The following SLC30A8 variants were observed in gnomAD, a reference collection of about 807,000 sequenced individuals.
SLC30A8 encodes proton-coupled zinc antiporter SLC30A8.
A neutral mutation model predicts 36.9 loss-of-function variants in SLC30A8; 27 were observed. That is an observed-to-expected ratio of 0.73 (90% CI 0.54 to 1.01). The LOEUF is 1.01. SLC30A8 is among the 50% of genes least tolerant of loss of function. The pLI, the probability that SLC30A8 is intolerant of heterozygous loss-of-function variation, is 0.00. For synonymous variants in SLC30A8, 164 were observed against 172.4 expected (o/e 0.95, Z 0.38); for missense variants, 439 against 452.0 (o/e 0.97, Z 0.26).
chr8:117,003,239 T>C (rs563024140), intron 1 of SLC30A8, among the ~76,000 whole-genome samples: 2 of 152,242 alleles, frequency 1.3e-5, no homozygotes, highest in South Asian at 2.1e-4. Flanking sequence ...TCAGAGCCTA[T>C]ATGGTTAATC....
intron 3 of SLC30A8, among the ~76,000 whole-genome samples, chr8:117,155,227 G>T (rs1164176790): frequency 3.9e-5 from 6 of 152,140 alleles, no homozygotes; most frequent in Admixed American, 2.0e-4. Context: ...TTTGTCTTAA[G>T]ATCTGACTCC....
intron 2 of SLC30A8, among the ~76,000 whole-genome samples, chr8:117,077,736 A>G (rs1482579204): frequency 6.6e-6 from 1 of 152,196 alleles, no homozygotes; most frequent in East Asian, 1.9e-4. Flanking sequence ...AACAGCTTGG[A>G]AAAAAATCCT....
chr8:116,999,353 A>G (rs2130681577), intron 1 of SLC30A8, among the ~76,000 whole-genome samples: 1 of 152,302 alleles, frequency 6.6e-6, no homozygotes, highest in South Asian at 2.1e-4. Flanking sequence ...AAGGCATGTA[A>G]AGGCAACGAT....
chr8:116,972,810 A>T (rs1474814287), intron 1 of SLC30A8, among the ~76,000 whole-genome samples: 2 of 152,168 alleles, frequency 1.3e-5, no homozygotes, highest in African/African-American at 4.8e-5. Context: ...AGGGACCACG[A>T]ATTGTTCACA....
chr8:116,953,190 C>G (rs1814057084), intron 1 of SLC30A8, among the ~76,000 whole-genome samples: 1 of 152,196 alleles, frequency 6.6e-6, no homozygotes, highest in African/African-American at 2.4e-5. Flanking sequence ...CATGTTGCTG[C>G]AAGGACATGA....
chr8:117,045,651 A>T (rs1363286823), intron 2 of SLC30A8, among the ~76,000 whole-genome samples: 1 of 152,208 alleles, frequency 6.6e-6, no homozygotes, highest in East Asian at 1.9e-4. Context: ...TCCGTGACCT[A>T]GGTGGGCTGA....
At chr8:117,168,886 C>T (rs1051060282) in intron 6 of SLC30A8, among the ~76,000 whole-genome samples, 24 of 152,100 alleles carry the variant, frequency 1.6e-4, no homozygotes, top group Admixed American at 2.6e-4. Flanking sequence ...TAGCAATGTT[C>T]CTTAATCTAA....
In SLC30A8 at chr8:117,155,455, C is replaced by T. The variant is rs140598569; in HGVS notation, c.419-2236C>T. ...CTCATAAACTTCTGCAAAGGGGAGT[C>T]GTAAGTAGCCTGAGTAGACTAATAA... On this transcript the variant is annotated intron_variant, in intron 3 of 7. Coordinates refer to ENST00000456015, the MANE Select transcript of SLC30A8 (RefSeq NM_173851.3). Among the ~76,000 whole-genome samples, 283 of 152,154 alleles carry T rather than the reference C, an allele frequency of 1.9e-3. 2 individuals are homozygous for T. The highest frequency in any genetic ancestry group is 6.0e-3 in the African/African-American group (249 of 41,512).
intron 1 of SLC30A8, among the ~76,000 whole-genome samples, chr8:116,953,634 T>C (rs1282283760): frequency 6.6e-6 from 1 of 152,190 alleles, no homozygotes; most frequent in Non-Finnish European, 1.5e-5. Flanking sequence ...TAGGGTTCTA[T>C]GTGGGCAATT....
chr8:117,144,906 C>T (rs896635295), intron 1 of SLC30A8, among the ~76,000 whole-genome samples: 4 of 152,158 alleles, frequency 2.6e-5, no homozygotes, highest in African/African-American at 9.7e-5. Context: ...CATCCATATT[C>T]CCCTGGCTAT....
intron 2 of SLC30A8, among the ~76,000 whole-genome samples, chr8:117,120,660 A>T (rs1820657286): frequency 6.6e-6 from 1 of 151,796 alleles, no homozygotes; most frequent in African/African-American, 2.4e-5. Flanking sequence ...TCAACAGAAT[A>T]AAAAAGGCTA....
chr8:116,952,937 G>C (rs545048669), intron 1 of SLC30A8, among the ~76,000 whole-genome samples: 1 of 150,458 alleles, frequency 6.6e-6, no homozygotes, highest in South Asian at 2.1e-4. Context: ...GGTATATTGC[G>C]TGAGGCTGAG....
At chr8:117,103,657 G>A (rs1042200672) in intron 2 of SLC30A8, among the ~76,000 whole-genome samples, 12 of 152,000 alleles carry the variant, frequency 7.9e-5, no homozygotes, top group African/African-American at 2.7e-4. Context: ...TGTATTTTTC[G>A]TAGGGACAGG....
rs137929681 is a variant in SLC30A8 at position 117,155,738 on chromosome 8, C to T, written c.419-1953C>T. On this transcript the variant is annotated intron_variant, in intron 3 of 7. Coordinates refer to ENST00000456015, the MANE Select transcript of SLC30A8 (RefSeq NM_173851.3). ...TCTCACAGTTATGAGAAACAGAAGTCTGCAATCGGGCGTCAGTGGGGTTGG... is the reference window on the plus strand; with the variant it reads ...TCTCACAGTTATGAGAAACAGAAGTTTGCAATCGGGCGTCAGTGGGGTTGG... Among the ~76,000 whole-genome samples the T allele has an allele frequency of 1.1e-3, 166 of 152,318 alleles. 2 individuals carry two copies. The highest frequency in any genetic ancestry group is 3.6e-3 in the African/African-American group (149 of 41,564).
chr8:116,966,243 CTT>C (rs1814596851), intron 1 of SLC30A8, among the ~76,000 whole-genome samples: 1 of 152,096 alleles, frequency 6.6e-6, no homozygotes. Context: ...ATGGAAGAGA[CTT>C]GAGTGATTTG....
At position 117,011,528 on chromosome 8, in the gene SLC30A8, C is replaced by T. The variant is rs373118378; in HGVS notation, c.-265-27691C>T. On this transcript the variant is annotated intron_variant, in intron 1 of 10. Transcript: ENST00000427715. Reference sequence around the variant, plus strand: ...TCCTGCACCTGAGACAGAGAGAAGCCTAGAGAGAGCTGACAGCAGAAGTCA... The same window carrying T: ...TCCTGCACCTGAGACAGAGAGAAGCTTAGAGAGAGCTGACAGCAGAAGTCA... Among the ~76,000 whole-genome samples, 23 of 152,264 alleles carry T rather than the reference C, an allele frequency of 1.5e-4. No homozygotes were observed. In the South Asian group the frequency reaches 2.5e-3, roughly 16 times the overall value.
intron 1 of SLC30A8, among the ~76,000 whole-genome samples, chr8:116,952,502 AG>A (rs1369148405): frequency 6.6e-6 from 1 of 151,716 alleles, no homozygotes; most frequent in Non-Finnish European, 1.5e-5. Flanking sequence ...TGGAGTGCAG[AG>A]GCATGATTTC....
chr8:116,973,727 C>A (rs1814873830), intron 1 of SLC30A8, among the ~76,000 whole-genome samples: 1 of 152,156 alleles, frequency 6.6e-6, no homozygotes, highest in Admixed American at 6.6e-5. Context: ...GCCCACATTG[C>A]CAAGACAATC....
At chr8:117,067,866 G>A (rs1481250339) in intron 2 of SLC30A8, among the ~76,000 whole-genome samples, 1 of 152,054 alleles carries the variant, frequency 6.6e-6, no homozygotes, top group Non-Finnish European at 1.5e-5. Flanking sequence ...GGGAAATGGG[G>A]GGCTCCTAAA....
Sources: allele counts gnomAD v4.1 joint callset (sites outside exome capture counted in the v4.1 genomes callset), GRCh38; gene constraint gnomAD v4.1.1; transcripts MANE v1.5; gene names NCBI Gene and HGNC (gene_info 2026-07-23, HGNC 2026-07-21).